ACSF3: variants seen among roughly 807,000 people sequenced by gnomAD.
ACSF3 encodes malonate--CoA ligase ACSF3, mitochondrial.
In ACSF3, 78 loss-of-function variants were observed where a neutral mutation model predicts 53.2. The observed-to-expected ratio is 1.47, with a 90% CI of 1.22 to 1.77. The LOEUF (loss-of-function observed/expected upper bound fraction) is 1.77. ACSF3 is among the 40% of genes most tolerant of loss of function. The probability of loss-of-function intolerance (pLI) is 0.00; values close to 1 mark genes in which losing one functional copy is unlikely to be tolerated. For synonymous variants in ACSF3, 414 were observed against 333.1 expected (o/e 1.24, Z -2.65); for missense variants, 937 against 771.1 (o/e 1.22, Z -2.55).
At chr16:89,141,670 AC>A (rs948497121) in intron 8 of ACSF3, among the ~76,000 whole-genome samples, 3 of 152,112 alleles carry the variant, frequency 2.0e-5, no homozygotes, top group African/African-American at 7.2e-5. Context: ...GTCTCTCCCT[AC>A]CCCTGGAAGG....
rs543425407 is a variant in ACSF3 at position 89,093,874 on chromosome 16, G to T, written c.-316G>T. ...GCTGTTGGGCGCCGGAACTGGTCCGGCCCGACTCACGACCCCGCGGGACCC... is the reference window on the plus strand; with the variant it reads ...GCTGTTGGGCGCCGGAACTGGTCCGTCCCGACTCACGACCCCGCGGGACCC... On this transcript the variant is annotated 5_prime_UTR_variant, in exon 1 of 11. Transcript: ENST00000614302. The T allele has an allele frequency of 1.5e-3, 470 of 317,068 alleles. 3 individuals carry two copies. The highest frequency in any genetic ancestry group is 9.4e-3 in the African/African-American group (420 of 44,698). The allele number at this position is 317,068 out of a possible 1,614,324, so 19.6% of individuals were successfully genotyped here.
rs1391586774 is a variant in ACSF3 at position 89,141,272 on chromosome 16, GGCGGGTGAGGCGGGC to G, written c.1367-3992_1367-3978del. ...TTTCCCCTTGGCAAAGGCACAGCAA[GGCGGGTGAGGCGGGC>G]GCTGAGTAGTCTGGGAATGGGCAGG... On this transcript the variant is annotated intron_variant, in intron 8 of 10. Transcript: ENST00000614302. 3 of 1,287,168 alleles carry G rather than the reference GGCGGGTGAGGCGGGC, an allele frequency of 2.3e-6. No homozygotes were observed. In the African/African-American group the frequency reaches 4.6e-5, roughly 20 times the overall value. 79.7% of individuals were successfully genotyped at this position (1,287,168 alleles called of 1,614,324 possible). A position where few individuals can be genotyped will look rare whatever the true frequency, so the allele number is the denominator to read the frequency against.
At chr16:89,134,959 GAC>G (rs1910111377) in intron 8 of ACSF3, among the ~76,000 whole-genome samples, 1 of 152,174 alleles carries the variant, frequency 6.6e-6, no homozygotes, top group Non-Finnish European at 1.5e-5. Context: ...TTGGAGAGTG[GAC>G]ACACGTGGTT....
At chr16:89,143,256 G>A (rs971967073) in intron 8 of ACSF3, among the ~76,000 whole-genome samples, 7 of 152,064 alleles carry the variant, frequency 4.6e-5, no homozygotes, top group South Asian at 2.1e-4. Context: ...CCTCAGCCCC[G>A]TGAGTAACTG....
intron 10 of ACSF3, chr16:89,150,018 G>C (rs1913804447): frequency 6.6e-6 from 1 of 152,236 alleles, no homozygotes; most frequent in Non-Finnish European, 1.5e-5. Flanking sequence ...AGTTCCACAG[G>C]CTATAAGGAA....
intron 7 of ACSF3, among the ~76,000 whole-genome samples, chr16:89,127,327 AT>A (rs1238996113): frequency 2.0e-5 from 3 of 152,080 alleles, no homozygotes; most frequent in African/African-American, 7.2e-5. Flanking sequence ...GAATTCACCA[AT>A]GAAATCATCT....
At position 89,114,334 on chromosome 16, in the gene ACSF3, C is replaced by G; in HGVS notation, c.978-5C>G. ...GCTAAACCTGCCTTTGGTTGTGCCGCGTAGGCTGATGGTCTCAGGCTCAGC... is the reference window on the plus strand; with the variant it reads ...GCTAAACCTGCCTTTGGTTGTGCCGGGTAGGCTGATGGTCTCAGGCTCAGC... On this transcript the variant is annotated splice_region_variant and splice_polypyrimidine_tract_variant and intron_variant, in intron 5 of 10. Coordinates refer to ENST00000614302, the MANE Select transcript of ACSF3 (RefSeq NM_001243279.3). 6.2e-7 allele frequency: 1 copy of G among 1,613,980 alleles called. No homozygotes were observed. The highest frequency in any genetic ancestry group is 8.5e-7 in the Non-Finnish European group (1 of 1,180,028).
chr16:89,140,964 A>G (rs958714671), intron 8 of ACSF3: 1 of 870,746 alleles, frequency 1.1e-6, no homozygotes, highest in South Asian at 1.6e-5. Flanking sequence ...GGACATACAC[A>G]GCCCATTGGC....
intron 1 of ACSF3, among the ~76,000 whole-genome samples, chr16:89,097,650 C>T (rs774691179): frequency 1.3e-5 from 2 of 152,196 alleles, no homozygotes; most frequent in African/African-American, 2.4e-5. Context: ...GCCCACGTGC[C>T]GATCTCGTGT....
chr16:89,112,832 C>T (rs867311978), intron 5 of ACSF3, among the ~76,000 whole-genome samples: 2 of 152,244 alleles, frequency 1.3e-5, no homozygotes, highest in African/African-American at 4.8e-5. Context: ...TGTCCCACGG[C>T]GCCTGCCTCT....
intron 3 of ACSF3, chr16:89,102,291 G>C (rs1362288973): frequency 2.3e-6 from 1 of 429,738 alleles, no homozygotes; most frequent in Admixed American, 3.5e-5. Context: ...TGAGTCCCAG[G>C]CTTGGGCAGG....
chr16:89,113,862 A>T (rs1904524750), intron 5 of ACSF3: 1 of 279,098 alleles, frequency 3.6e-6, no homozygotes, highest in African/African-American at 2.2e-5. Context: ...TGCCGCGGCC[A>T]TTCACCCATG....
At chr16:89,153,465 G>A (rs112393984) in intron 10 of ACSF3, 5,588 of 96,578 alleles carry the variant, frequency 0.058, 188 homozygotes, top group South Asian at 0.19. Flanking sequence ...ACCGCCCACC[G>A]CCCTGGCACC....
Position 89,101,066 on chromosome 16 carries a change from C to T in ACSF3, c.385C>T (p.His129Tyr), listed in dbSNP as rs777054379. 26 of 1,613,936 alleles carry T rather than the reference C, an allele frequency of 1.6e-5. No homozygotes were observed. The highest frequency in any genetic ancestry group is 1.9e-5 in the Non-Finnish European group (22 of 1,179,996). ...GGVAVPLYRK[H>Y]PAAQLEYVIC... ...TGTGGCAGTCCCCCTCTACAGGAAG[C>T]ATCCCGCGGCCCAGCTGGAGTATGT... The change falls in exon 3 of 11, where the codon CAT becomes TAT. Residue 129 changes from histidine to tyrosine, a missense_variant. By Grantham distance (83) the His-to-Tyr change is moderately conservative. Coordinates refer to ENST00000614302, the MANE Select transcript of ACSF3 (RefSeq NM_001243279.3).
chr16:89,111,794 C>A (rs1017388625), intron 4 of ACSF3, among the ~76,000 whole-genome samples: 3 of 152,224 alleles, frequency 2.0e-5, no homozygotes, highest in African/African-American at 7.2e-5. Context: ...AGGTGTACAT[C>A]CGCCCTCTCT....
intron 6 of ACSF3, among the ~76,000 whole-genome samples, chr16:89,118,266 A>G (rs1374310318): frequency 6.6e-6 from 1 of 152,176 alleles, no homozygotes; most frequent in African/African-American, 2.4e-5. Flanking sequence ...TCTCTAAGGC[A>G]GAATCAAATA....
intron 10 of ACSF3, chr16:89,149,388 G>T (rs1913691779): frequency 6.6e-6 from 1 of 152,164 alleles, no homozygotes; most frequent in Non-Finnish European, 1.5e-5. Flanking sequence ...TGCTATAAAT[G>T]AAGCCAGATT....
chr16:89,103,704 G>C (rs1039975006), intron 4 of ACSF3, among the ~76,000 whole-genome samples: 1 of 152,238 alleles, frequency 6.6e-6, no homozygotes, highest in African/African-American at 2.4e-5. Context: ...CAGCTGGAGA[G>C]CTGCTTGCTG....
In ACSF3 at chr16:89,155,508, G is replaced by A. The variant is rs767501074; in HGVS notation, c.*1301G>A. 1.8e-5 allele frequency: 8 copies of A among 454,150 alleles called. No homozygotes were observed. Among genetic ancestry groups the A allele is most frequent in the South Asian group, 9.3e-5 (6 of 64,472 alleles). 28.1% of individuals were successfully genotyped at this position (454,150 alleles called of 1,614,324 possible). A position where few individuals can be genotyped will look rare whatever the true frequency, so the allele number is the denominator to read the frequency against. ...CCAGCCCTGTTTTCCAGGACTGGTG[G>A]GTGCCCCAGTCCACGGCCCTGCCCC... On this transcript the variant is annotated 3_prime_UTR_variant, in exon 11 of 11. Transcript: ENST00000614302.
Sources: allele counts gnomAD v4.1 joint callset (sites outside exome capture counted in the v4.1 genomes callset), GRCh38; gene constraint gnomAD v4.1.1; transcripts MANE v1.5; gene names NCBI Gene and HGNC (gene_info 2026-07-23, HGNC 2026-07-21).